FIGNL2: variants seen among roughly 807,000 people sequenced by gnomAD.
FIGNL2 encodes fidgetin-like protein 2.
For missense variants in FIGNL2, 1,060 were observed against 950.2 expected, an observed-to-expected ratio of 1.12 and a Z score of -1.52; for synonymous variants, 565 against 484.0, an observed-to-expected ratio of 1.17 and a Z score of -2.20.
rs1487265274 is a variant in FIGNL2 at position 51,818,981 on chromosome 12, G to A, written c.*1471C>T. Reference sequence around the variant, plus strand: ...GAGCTCCAGACCTAGGACTCCGGGGGAATGGGGAAGGCACATTTCCTCACA... The same window carrying A: ...GAGCTCCAGACCTAGGACTCCGGGGAAATGGGGAAGGCACATTTCCTCACA... On this transcript the variant is annotated 3_prime_UTR_variant, in exon 2 of 2. Coordinates refer to ENST00000618634, the MANE Select transcript of FIGNL2 (RefSeq NM_001384995.1). 1 of 152,274 alleles carries A rather than the reference G, an allele frequency of 6.6e-6. No individual in the cohort carries two copies. The allele number at this position is 152,274 out of a possible 1,614,324, so 9.4% of individuals were successfully genotyped here.
chr12:51,838,733 G>A (rs550610575), intron 1 of FIGNL2, among the ~76,000 whole-genome samples: 2 of 152,124 alleles, frequency 1.3e-5, no homozygotes, highest in Non-Finnish European at 2.9e-5. Flanking sequence ...GCTCCAACTC[G>A]CTCCTAGAGA....
intron 1 of FIGNL2, among the ~76,000 whole-genome samples, chr12:51,842,541 C>A (rs574211252): frequency 2.6e-5 from 4 of 152,290 alleles, no homozygotes; most frequent in African/African-American, 7.2e-5. Flanking sequence ...CTGGAAAGAA[C>A]AAACACCTCC....
chr12:51,820,913 C>T lies in FIGNL2; in HGVS notation c.1501G>A (p.Asp501Asn). 7.5e-7 allele frequency: 1 copy of T among 1,330,696 alleles called. No homozygotes were observed. Among genetic ancestry groups the T allele is most frequent in the East Asian group, 3.2e-5 (1 of 31,114 alleles). The allele number at this position is 1,330,696 out of a possible 1,614,324, so 82.4% of individuals were successfully genotyped here. Residue 501 changes from aspartate to asparagine, a missense_variant, in exon 2 of 2, where the codon GAC becomes AAC. Transcript: ENST00000618634. ...GCGCCCCCTGCCGCCGCGCCGTCGT[C>T]CCGGGCGGGGAGCAGCGCCTCTAGC... ...SELEALLPAR[D>N]DGAAAGGALQ...
Position 51,822,261 on chromosome 12 carries a change from GAT to G in FIGNL2, c.151_152del (p.Ile51LeufsTer90). ...GGAGGTTGGAGGCAGTGAGGGCTGAGATGTCGTCGTGTGCCCAAGCGTAGTGG... is the reference window on the plus strand; with the variant it reads ...GGAGGTTGGAGGCAGTGAGGGCTGAGGTCGTCGTGTGCCCAAGCGTAGTGG... ...RCHYAWAHDD[I>X]SALTASNLLK... On this transcript the variant is annotated frameshift_variant, in exon 2 of 2. Transcript: ENST00000618634. LOFTEE classifies it low-confidence loss of function (END_TRUNC). The G allele has an allele frequency of 6.2e-7, 1 of 1,611,584 alleles. No individual in the cohort carries two copies. Among genetic ancestry groups the G allele is most frequent in the Non-Finnish European group, 8.5e-7 (1 of 1,178,928 alleles).
rs1324500708 is a variant in FIGNL2 at position 51,822,072 on chromosome 12, G to A, written c.342C>T (p.Gly114=). 1 of 1,611,034 alleles carries A rather than the reference G, an allele frequency of 6.2e-7. No homozygotes were observed. The highest frequency in any genetic ancestry group is 8.5e-7 in the Non-Finnish European group (1 of 1,178,788). The change falls in exon 2 of 2, where the codon GGC becomes GGT. Residue 114 remains glycine (G), a synonymous_variant. Transcript: ENST00000618634. ...CACCGCCCGATTTGGTTCCTGGGAG[G>A]CCTTCGTGGAGTGAGGCCAAGGGGT... ...PPYPLASLHE[G]LPGTKSGGGG...
chr12:51,835,420 G>C (rs1002007364), intron 1 of FIGNL2: 2 of 152,218 alleles, frequency 1.3e-5, no homozygotes, highest in African/African-American at 4.8e-5. Flanking sequence ...CCTGGGGAAG[G>C]AACATAGTGT....
At chr12:51,824,148 G>T (rs1245978352) in intron 1 of FIGNL2, 1 of 152,278 alleles carries the variant, frequency 6.6e-6, no homozygotes, top group Non-Finnish European at 1.5e-5. Flanking sequence ...CATAAATCTG[G>T]TGTCTGCTGC....
intron 1 of FIGNL2, among the ~76,000 whole-genome samples, chr12:51,838,841 T>C (rs1325707512): frequency 6.6e-6 from 1 of 152,092 alleles, no homozygotes; most frequent in African/African-American, 2.4e-5. Flanking sequence ...AGAGAAAACA[T>C]AATCCTGGAG....
At chr12:51,837,973 A>G (rs990663434) in intron 1 of FIGNL2, 2 of 152,262 alleles carry the variant, frequency 1.3e-5, no homozygotes, top group Non-Finnish European at 2.9e-5. Flanking sequence ...GGGAGGCTCC[A>G]GGCTGTCAGC....
intron 1 of FIGNL2, among the ~76,000 whole-genome samples, chr12:51,833,121 C>T (rs1237094494): frequency 6.6e-6 from 1 of 152,124 alleles, no homozygotes; most frequent in Non-Finnish European, 1.5e-5. Flanking sequence ...GATCACGGCT[C>T]ACTGCAGCCT....
chr12:51,824,444 G>A (rs1181596441), intron 1 of FIGNL2: 1 of 152,160 alleles, frequency 6.6e-6, no homozygotes. Flanking sequence ...TGAAAATAAA[G>A]CTATTTACTC....
chr12:51,820,374 T>A lies in FIGNL2; in HGVS notation c.*78A>T. ...CCACTCCAGCCCCTGCCAGCCGGGT[T>A]TAGTCAGTGACATCCCTCCCACGCG... On this transcript the variant is annotated 3_prime_UTR_variant, in exon 2 of 2. Coordinates refer to ENST00000618634, the MANE Select transcript of FIGNL2 (RefSeq NM_001384995.1). 6.6e-7 allele frequency: 1 copy of A among 1,524,022 alleles called. No individual in the cohort carries two copies. Among genetic ancestry groups the A allele is most frequent in the South Asian group, 1.2e-5 (1 of 82,918 alleles). 94.4% of individuals were successfully genotyped at this position (1,524,022 alleles called of 1,614,324 possible).
At chr12:51,833,601 C>T (rs1210357406) in intron 1 of FIGNL2, among the ~76,000 whole-genome samples, 1 of 152,138 alleles carries the variant, frequency 6.6e-6, no homozygotes, top group African/African-American at 2.4e-5. Context: ...CCCTGGCCTC[C>T]TCACAGCTCC....
chr12:51,841,030 G>C (rs550156903), intron 1 of FIGNL2, among the ~76,000 whole-genome samples: 55 of 152,352 alleles, frequency 3.6e-4, no homozygotes, highest in African/African-American at 1.2e-3. Flanking sequence ...TACCAAAGGC[G>C]AGGAAACAGG....
At chr12:51,847,916 C>A in intron 1 of FIGNL2, 2 of 841,806 alleles carry the variant, frequency 2.4e-6, no homozygotes, top group African/African-American at 1.8e-5. Context: ...CAGCCTCCTA[C>A]AACCCCCTGA....
intron 1 of FIGNL2, among the ~76,000 whole-genome samples, chr12:51,831,553 A>G (rs1939468413): frequency 1.3e-5 from 2 of 152,230 alleles, no homozygotes; most frequent in South Asian, 4.1e-4. Context: ...AAAGGCAAGG[A>G]TACAAGGCAG....
intron 1 of FIGNL2, chr12:51,847,785 G>A: frequency 1.0e-6 from 1 of 985,356 alleles, no homozygotes; most frequent in South Asian, 4.7e-5. Context: ...GCTAGCATGC[G>A]AATCTCTGTG....
At chr12:51,825,619 CTTTT>C (rs770930359) in intron 1 of FIGNL2, among the ~76,000 whole-genome samples, 4 of 134,884 alleles carry the variant, frequency 3.0e-5, no homozygotes, top group African/African-American at 1.1e-4. Flanking sequence ...CCATGACACT[CTTTT>C]TTTTTTTTTT....
intron 1 of FIGNL2, chr12:51,842,020 G>A (rs1939671291): frequency 1.3e-5 from 2 of 152,196 alleles, no homozygotes; most frequent in Non-Finnish European, 2.9e-5. Context: ...TTCCCGGGAG[G>A]GGCACTGCTG....
Sources: allele counts gnomAD v4.1 joint callset (sites outside exome capture counted in the v4.1 genomes callset), GRCh38; gene constraint gnomAD v4.1.1; transcripts MANE v1.5; gene names NCBI Gene and HGNC (gene_info 2026-07-23, HGNC 2026-07-21).